Variants in MTUS2 observed in about 807,000 individuals in gnomAD.
MTUS2 encodes microtubule associated scaffold protein 2.
MTUS2 carries 40 observed loss-of-function variants against 114.1 expected under a neutral mutation model. The ratio of observed to expected loss-of-function variants is 0.35; its 90% CI spans 0.27 to 0.46. MTUS2 has a LOEUF of 0.46. Ranked by LOEUF, MTUS2 falls within the 20% of genes least tolerant of loss-of-function variation. MTUS2 has a pLI of 1.00. For synonymous variants in MTUS2, 688 were observed against 672.0 expected (o/e 1.02, Z -0.37); for missense variants, 1,679 against 1,705.4 (o/e 0.98, Z 0.27).
chr13:29,376,517 G>A (rs1343488994), intron 8 of MTUS2, among the ~76,000 whole-genome samples: 4 of 152,038 alleles, frequency 2.6e-5, no homozygotes, highest in Non-Finnish European at 5.9e-5. Flanking sequence ...TAAACACAGA[G>A]AATAGAAAAT....
chr13:28,958,522 T>C (rs1414817406), intron 2 of MTUS2, among the ~76,000 whole-genome samples: 1 of 152,244 alleles, frequency 6.6e-6, no homozygotes, highest in Admixed American at 6.5e-5. Flanking sequence ...TTAGTCTGTT[T>C]ACTATTGTTT....
chr13:29,279,071 A>T (rs541229174), intron 5 of MTUS2, among the ~76,000 whole-genome samples: 1 of 152,190 alleles, frequency 6.6e-6, no homozygotes, highest in East Asian at 1.9e-4. Context: ...GTATTTTTTC[A>T]TAGCAACTCT....
intron 5 of MTUS2, among the ~76,000 whole-genome samples, chr13:29,199,539 C>G (rs546656089): frequency 6.6e-6 from 1 of 152,212 alleles, no homozygotes; most frequent in African/African-American, 2.4e-5. Context: ...AGGGATAAAG[C>G]CGAGTTGATC....
In MTUS2 at chr13:29,064,128, T is replaced by A. The variant is rs560548263; in HGVS notation, c.2446+30003T>A. 2.1e-4 allele frequency among the ~76,000 whole-genome samples: 32 copies of A among 152,332 alleles called. No individual in the cohort carries two copies. In the South Asian group the frequency reaches 6.6e-3, roughly 32 times the overall value. ...AGGGGGAAGAATGTTAGCGGGCAGC[T>A]TATCCTGTATTAACGAGGGCTTCAT... On this transcript the variant is annotated intron_variant, in intron 4 of 15. Transcript: ENST00000612955.
intron 8 of MTUS2, among the ~76,000 whole-genome samples, chr13:29,410,898 C>T (rs2138545884): frequency 6.6e-6 from 1 of 152,316 alleles, no homozygotes; most frequent in South Asian, 2.1e-4. Flanking sequence ...GTGGCACGAT[C>T]TCGGCTCACT....
intron 4 of MTUS2, among the ~76,000 whole-genome samples, chr13:29,071,162 G>C (rs1159135165): frequency 1.3e-5 from 2 of 151,144 alleles, no homozygotes; most frequent in Non-Finnish European, 2.9e-5. Context: ...GCGCCACTAT[G>C]CCTGGCTAAT....
Position 29,109,738 on chromosome 13 carries a change from G to A in MTUS2, c.2644+8768G>A, listed in dbSNP as rs181179245. Among the ~76,000 whole-genome samples, 13 of 152,324 alleles carry A rather than the reference G, an allele frequency of 8.5e-5. No homozygotes were observed. In the East Asian group the frequency reaches 2.5e-3, roughly 29 times the overall value. Reference sequence around the variant, plus strand: ...TTTGCCCAATAATAATGATGTTTCTGTGGGCATTTCCATCCATTGGCCATG... The same window carrying A: ...TTTGCCCAATAATAATGATGTTTCTATGGGCATTTCCATCCATTGGCCATG... On this transcript the variant is annotated intron_variant, in intron 5 of 15. Coordinates refer to ENST00000612955, the MANE Select transcript of MTUS2 (RefSeq NM_001033602.4).
intron 2 of MTUS2, among the ~76,000 whole-genome samples, chr13:28,913,352 C>T (rs919366507): frequency 6.6e-6 from 1 of 152,060 alleles, no homozygotes; most frequent in African/African-American, 2.4e-5. Flanking sequence ...AAGTCCTTTT[C>T]TGTGTCTATT....
intron 2 of MTUS2, among the ~76,000 whole-genome samples, chr13:28,922,501 T>G (rs760260144): frequency 6.6e-6 from 1 of 152,146 alleles, no homozygotes; most frequent in Non-Finnish European, 1.5e-5. Flanking sequence ...TCTGGCTCCA[T>G]TTGCTGGGAT....
intron 9 of MTUS2, among the ~76,000 whole-genome samples, chr13:29,457,634 A>G (rs1879214512): frequency 6.6e-6 from 1 of 151,980 alleles, no homozygotes; most frequent in Non-Finnish European, 1.5e-5. Context: ...GTGGACATAC[A>G]TTTTCTCATT....
intron 5 of MTUS2, among the ~76,000 whole-genome samples, chr13:29,124,484 G>T (rs1891434987): frequency 6.6e-6 from 1 of 151,976 alleles, no homozygotes; most frequent in South Asian, 2.1e-4. Context: ...ATTGCCGATT[G>T]GACTAGAATG....
intron 2 of MTUS2, among the ~76,000 whole-genome samples, chr13:28,843,534 C>T (rs572285452): frequency 6.6e-6 from 1 of 152,212 alleles, no homozygotes; most frequent in Non-Finnish European, 1.5e-5. Flanking sequence ...ATTCATAGAT[C>T]CAGAGCCCAG....
At chr13:29,343,249 C>G (rs9506155) in intron 7 of MTUS2, among the ~76,000 whole-genome samples, 110,545 of 151,904 alleles carry the variant, frequency 0.73, 44,254 homozygotes, top group East Asian at 0.9. Flanking sequence ...CTTCTTTGAA[C>G]GTCTCATAGA....
intron 4 of MTUS2, among the ~76,000 whole-genome samples, chr13:29,077,808 A>T (rs974619274): frequency 5.3e-5 from 8 of 152,320 alleles, no homozygotes; most frequent in Admixed American, 5.2e-4. Flanking sequence ...AGAACGTTTG[A>T]CAATGTTGGA....
intron 5 of MTUS2, among the ~76,000 whole-genome samples, chr13:29,202,764 C>G (rs1008199141): frequency 6.6e-6 from 1 of 152,206 alleles, no homozygotes; most frequent in Non-Finnish European, 1.5e-5. Flanking sequence ...AGTCAGGCCC[C>G]TCTACTGCAG....
At chr13:28,905,748 T>G (rs1297317322) in intron 2 of MTUS2, among the ~76,000 whole-genome samples, 6 of 151,430 alleles carry the variant, frequency 4.0e-5, no homozygotes, top group African/African-American at 1.2e-4. Flanking sequence ...GGCTTTGGTA[T>G]CAGGATGATG....
intron 8 of MTUS2, among the ~76,000 whole-genome samples, chr13:29,415,012 G>C (rs890554537): frequency 1.3e-5 from 2 of 148,998 alleles, no homozygotes; most frequent in Admixed American, 1.3e-4. Context: ...TTTTTTTTTA[G>C]AAATTCTTTA....
At position 29,025,376 on chromosome 13, in the gene MTUS2, G is replaced by A. The variant is rs768616768; in HGVS notation, c.678G>A (p.Pro226=). The A allele has an allele frequency of 8.7e-6, 14 of 1,613,694 alleles. No homozygotes were observed. The highest frequency in any genetic ancestry group is 3.3e-5 in the South Asian group (3 of 91,084). The change falls in exon 3 of 16, where the codon CCG becomes CCA. Residue 226 remains proline, a synonymous_variant. Coordinates refer to ENST00000612955, the MANE Select transcript of MTUS2 (RefSeq NM_001033602.4). ...AGACATTGCCAGACCACGCTGTCCC[G>A]GCAGCTTTCCCTGCAACTGACAGTA... is the stretch of plus-strand genomic sequence containing the variant. The part of the protein sequence containing the change: ...PQKTLPDHAV[P]AAFPATDSTS...
intron 4 of MTUS2, among the ~76,000 whole-genome samples, chr13:29,044,981 T>C (rs1887548896): frequency 1.3e-5 from 2 of 152,228 alleles, no homozygotes; most frequent in Non-Finnish European, 2.9e-5. Context: ...TTCCTTGCCA[T>C]GTGTCCCCCT....
Sources: allele counts gnomAD v4.1 joint callset (sites outside exome capture counted in the v4.1 genomes callset), GRCh38; gene constraint gnomAD v4.1.1; transcripts MANE v1.5; gene names NCBI Gene and HGNC (gene_info 2026-07-23, HGNC 2026-07-21).